Variants in TEAD4 observed in about 807,000 individuals in gnomAD.
The protein encoded by TEAD4 is TEA domain transcription factor 4.
Under a neutral mutation model 52.4 loss-of-function variants are expected in TEAD4, and 36 were observed. The ratio of observed to expected loss-of-function variants is 0.69; its 90% CI spans 0.53 to 0.91. The LOEUF (loss-of-function observed/expected upper bound fraction) is 0.91, where lower values mean the gene tolerates loss of function less well. TEAD4 is among the 40% of genes least tolerant of loss of function. The pLI, the probability that TEAD4 is intolerant of heterozygous loss-of-function variation, is 0.00. For missense variants in TEAD4, 508 were observed against 583.9 expected (o/e 0.87, Z 1.34); for synonymous variants, 220 against 231.0 (o/e 0.95, Z 0.43).
At chr12:2,987,076 C>G (rs923482082) in intron 2 of TEAD4, among the ~76,000 whole-genome samples, 17 of 152,158 alleles carry the variant, frequency 1.1e-4, no homozygotes, top group African/African-American at 4.1e-4. Context: ...AAGCTGAACA[C>G]TTGGTTTTGG....
chr12:3,011,768 C>T (rs1448162509), intron 4 of TEAD4, among the ~76,000 whole-genome samples: 2 of 152,032 alleles, frequency 1.3e-5, no homozygotes, highest in East Asian at 3.9e-4. Flanking sequence ...CAGGTTCAAG[C>T]GATTCTCCTA....
intron 10 of TEAD4, among the ~76,000 whole-genome samples, chr12:3,033,239 T>C (rs1057113970): frequency 2.0e-5 from 3 of 152,170 alleles, no homozygotes; most frequent in Non-Finnish European, 4.4e-5. Flanking sequence ...TGGTCATTCA[T>C]AGACTCTCGG....
intron 11 of TEAD4, among the ~76,000 whole-genome samples, chr12:3,038,582 G>C (rs1013615848): frequency 3.3e-5 from 5 of 152,178 alleles, no homozygotes; most frequent in African/African-American, 1.2e-4. Flanking sequence ...TTCTGCTTAT[G>C]GGTACCCTGG....
intron 3 of TEAD4, among the ~76,000 whole-genome samples, chr12:2,997,130 C>T (rs2098247893): frequency 6.6e-6 from 1 of 152,172 alleles, no homozygotes; most frequent in Non-Finnish European, 1.5e-5. Context: ...GGCTCATGAG[C>T]ATGCCTTCCA....
At chr12:3,023,823 T>A (rs906667075) in intron 10 of TEAD4, among the ~76,000 whole-genome samples, 2 of 150,660 alleles carry the variant, frequency 1.3e-5, no homozygotes, top group Non-Finnish European at 3.0e-5. Flanking sequence ...AGCATCATAT[T>A]CTTGTCCTAC....
intron 2 of TEAD4, among the ~76,000 whole-genome samples, chr12:2,960,507 A>G (rs773788392): frequency 3.3e-5 from 5 of 152,084 alleles, no homozygotes; most frequent in Admixed American, 6.5e-5. Context: ...CCCCAAAGTG[A>G]ACATTTCCCC....
At chr12:3,035,127 T>C (rs1456746818) in intron 10 of TEAD4, among the ~76,000 whole-genome samples, 4 of 152,124 alleles carry the variant, frequency 2.6e-5, no homozygotes, top group Admixed American at 6.5e-5. Context: ...AAAATAGTTA[T>C]ATAGTTATTT....
chr12:2,996,252 T>TC (rs2098247022), intron 3 of TEAD4, among the ~76,000 whole-genome samples: 1 of 151,908 alleles, frequency 6.6e-6, no homozygotes, highest in African/African-American at 2.4e-5. Context: ...CATTCATTTC[T>TC]CCCCCACACC....
At position 2,994,773 on chromosome 12, in the gene TEAD4, G is replaced by A. The variant is rs1382596093; in HGVS notation, c.7G>A (p.Gly3Ser). 1.9e-6 allele frequency: 3 copies of A among 1,609,970 alleles called. No individual in the cohort carries two copies. The highest frequency in any genetic ancestry group is 1.7e-4 in the Middle Eastern group (1 of 6,056). Residue 3 changes from glycine (G) to serine (S), a missense_variant, in exon 3 of 13, where the codon GGC (glycine) becomes AGC (serine). Coordinates refer to ENST00000359864, the MANE Select transcript of TEAD4 (RefSeq NM_003213.4). This position sits in a 1 kb window ranked among gnomAD's most constrained non-coding sequence, Gnocchi z 4.7. ...CGCTCCTCCAAGCGGAGCCTTGGAGGGCACGGCCGGCACCATTACCTCCAA... is the reference window on the plus strand; with the variant it reads ...CGCTCCTCCAAGCGGAGCCTTGGAGAGCACGGCCGGCACCATTACCTCCAA...
intron 3 of TEAD4, among the ~76,000 whole-genome samples, chr12:2,999,416 G>A (rs2098249840): frequency 1.3e-5 from 2 of 152,226 alleles, no homozygotes; most frequent in Admixed American, 1.3e-4. Context: ...GCTGTTTGAG[G>A]ACAGGGGTTA....
At position 2,991,998 on chromosome 12, in the gene TEAD4, T is replaced by TG. The variant is rs63369063; in HGVS notation, c.-29-2732dup. Among the ~76,000 whole-genome samples the TG allele has an allele frequency of 1.1e-3, 151 of 131,978 alleles. 2 individuals carry two copies. Among genetic ancestry groups the TG allele is most frequent in the African/African-American group, 3.6e-3 (135 of 37,064 alleles). 86.6% of individuals were successfully genotyped at this position (131,978 alleles called of 152,430 possible). ...TGCTTAGGTTTCCTGTGGTGGGGGT[T>TG]GGGGGGGGCGGTTCCTGCTTTTTTT... On this transcript the variant is annotated intron_variant, in intron 2 of 12. Coordinates refer to ENST00000359864, the MANE Select transcript of TEAD4 (RefSeq NM_003213.4).
Position 3,005,711 on chromosome 12 carries a change from A to G in TEAD4, c.227-5293A>G, listed in dbSNP as rs1311056057. Among the ~76,000 whole-genome samples the G allele has an allele frequency of 2.6e-5, 4 of 152,124 alleles. No individual in the cohort carries two copies. The South Asian group carries it at 6.2e-4, about 24-fold the overall frequency. ...AGACGGGGTTTCATTGTGTTAGCCA[A>G]GATGGTCTCAATCTCCTGACCTCGT... On this transcript the variant is annotated intron_variant, in intron 3 of 12. Transcript: ENST00000359864.
In TEAD4 at chr12:3,020,786, CT is replaced by C; in HGVS notation, c.723+14del. 1.3e-6 allele frequency: 2 copies of C among 1,570,192 alleles called. No individual in the cohort carries two copies. Among genetic ancestry groups the C allele is most frequent in the South Asian group, 1.2e-5 (1 of 84,514 alleles). On this transcript the variant is annotated intron_variant, in intron 9 of 12. Transcript: ENST00000359864. ...GGACCCGGACACGGTAGGTCCTGGCCTCTGCCTGTCCAGCTCCCTGGTCACC... is the reference window on the plus strand; with the variant it reads ...GGACCCGGACACGGTAGGTCCTGGCCCTGCCTGTCCAGCTCCCTGGTCACC...
At chr12:3,038,944 C>T (rs989086235) in intron 11 of TEAD4, among the ~76,000 whole-genome samples, 1 of 152,210 alleles carries the variant, frequency 6.6e-6, no homozygotes, top group East Asian at 1.9e-4. Context: ...CTGTGCCGCC[C>T]ACACACTTGT....
intron 5 of TEAD4, 38 bp from the exon 6 acceptor site, chr12:3,017,360 G>T: frequency 1.2e-6 from 2 of 1,613,322 alleles, no homozygotes; most frequent in South Asian, 1.1e-5. Context: ...CCTGACTAGT[G>T]ACCCTGCTGA....
intron 2 of TEAD4, among the ~76,000 whole-genome samples, chr12:2,966,226 T>C (rs59126527): frequency 0.022 from 3,296 of 152,126 alleles, 124 homozygotes; most frequent in African/African-American, 0.075. Flanking sequence ...AGCAGGGAGA[T>C]GGATGTGTGA....
At chr12:3,037,231 TG>T (rs1460778841) in intron 10 of TEAD4, among the ~76,000 whole-genome samples, 3 of 152,282 alleles carry the variant, frequency 2.0e-5, no homozygotes, top group East Asian at 1.9e-4. Context: ...TGTGGCTAAA[TG>T]GCTCAATGAG....
At chr12:2,998,220 A>T (rs1425395770) in intron 3 of TEAD4, among the ~76,000 whole-genome samples, 1 of 152,156 alleles carries the variant, frequency 6.6e-6, no homozygotes, top group Non-Finnish European at 1.5e-5. Context: ...TATAGACCAC[A>T]TTCTGTTTAT....
chr12:3,007,469 A>C (rs928161572), intron 3 of TEAD4, among the ~76,000 whole-genome samples: 11 of 152,188 alleles, frequency 7.2e-5, no homozygotes, highest in African/African-American at 2.7e-4. Context: ...AATAGGTATA[A>C]TTACCTGCCC....
Sources: allele counts gnomAD v4.1 joint callset (sites outside exome capture counted in the v4.1 genomes callset), GRCh38; gene constraint gnomAD v4.1.1; non-coding constraint Gnocchi (gnomAD v3.1); transcripts MANE v1.5; gene names NCBI Gene and HGNC (gene_info 2026-07-23, HGNC 2026-07-21).